The following SCEL variants were observed in gnomAD, a reference collection of about 807,000 sequenced individuals.
SCEL encodes sciellin.
A neutral mutation model predicts 117.6 loss-of-function variants in SCEL; 113 were observed. The ratio of observed to expected loss-of-function variants is 0.96; its 90% confidence interval spans 0.83 to 1.12. The LOEUF (loss-of-function observed/expected upper bound fraction) is 1.12. Ranked by LOEUF, SCEL falls within the 50% of genes most tolerant of loss-of-function variation. SCEL has a pLI of 0.00. For missense variants in SCEL, 785 were observed against 810.8 expected (o/e 0.97, Z 0.39); for synonymous variants, 270 against 256.2 (o/e 1.05, Z -0.51).
At chr13:77,622,408 A>G (rs1594151036) in intron 27 of SCEL, among the ~76,000 whole-genome samples, 1 of 152,040 alleles carries the variant, frequency 6.6e-6, no homozygotes, top group East Asian at 1.9e-4. Context: ...CAGAATCTCT[A>G]TTTTTTTCCT....
intron 24 of SCEL, among the ~76,000 whole-genome samples, chr13:77,617,051 G>A (rs1181784663): frequency 6.6e-6 from 1 of 152,074 alleles, no homozygotes; most frequent in Non-Finnish European, 1.5e-5. Context: ...GAAACAGGAA[G>A]AGTTTCAAAT....
chr13:77,623,755 G>A (rs2089555649), intron 27 of SCEL, among the ~76,000 whole-genome samples: 1 of 152,164 alleles, frequency 6.6e-6, no homozygotes, highest in Non-Finnish European at 1.5e-5. Flanking sequence ...TGAGCGACAG[G>A]TGGGCAGTGT....
intron 9 of SCEL, among the ~76,000 whole-genome samples, chr13:77,578,478 A>G (rs2086080978): frequency 3.3e-5 from 5 of 152,134 alleles, no homozygotes; most frequent in Admixed American, 3.3e-4. Context: ...TTGGCCCCAA[A>G]CGTTGGAGAA....
intron 14 of SCEL, 89 bp downstream of exon 14, chr13:77,599,477 C>T: frequency 8.7e-7 from 1 of 1,143,282 alleles, no homozygotes; most frequent in Non-Finnish European, 1.3e-6. Context: ...GGGTTGTATC[C>T]TCTGGCATGG....
chr13:77,591,447 G>T lies in SCEL; in HGVS notation c.679G>T (p.Glu227Ter). 1 of 1,565,834 alleles carries T rather than the reference G, an allele frequency of 6.4e-7. No individual in the cohort carries two copies. The highest frequency in any genetic ancestry group is 1.7e-5 in the Admixed American group (1 of 59,404). ...GVYTETNRSA[E>*]RNIRSQDLDN... ...ATATACAGAAACCAACAGATCTGCTGAAAGAAATATAAGGTACACTGATTT... is the reference window on the plus strand; with the variant it reads ...ATATACAGAAACCAACAGATCTGCTTAAAGAAATATAAGGTACACTGATTT... Residue 227 changes from glutamate (E) to a stop codon, truncating the protein, a stop_gained, in exon 11 of 33, where the codon GAA becomes TAA. Coordinates refer to ENST00000349847, the MANE Select transcript of SCEL (RefSeq NM_144777.3). LOFTEE classifies it high-confidence loss of function.
At chr13:77,616,715 C>T (rs4142587) in intron 24 of SCEL, among the ~76,000 whole-genome samples, 15,437 of 149,454 alleles carry the variant, frequency 0.1, 1,322 homozygotes, top group East Asian at 0.44. Flanking sequence ...CTCTAAATGA[C>T]GCTCTTTTGG....
chr13:77,569,494 G>T, intron 8 of SCEL, 43 bp downstream of exon 8: 1 of 1,449,138 alleles, frequency 6.9e-7, no homozygotes, highest in South Asian at 1.2e-5. Context: ...GATACACTAT[G>T]AAAGACTGCA....
At chr13:77,615,926 A>G (rs2088985638) in intron 24 of SCEL, among the ~76,000 whole-genome samples, 1 of 151,710 alleles carries the variant, frequency 6.6e-6, no homozygotes, top group African/African-American at 2.4e-5. Flanking sequence ...TTTTTTCTTA[A>G]ATTAATAGAA....
In SCEL at chr13:77,549,385, C is replaced by A. The variant is rs74469459; in HGVS notation, c.-19-6472C>A. ...TATATATTTTAAAATAGCAGGTGCT[C>A]AATTGAAATAACAGAGAACACACTA... On this transcript the variant is annotated intron_variant, in intron 1 of 32. Transcript: ENST00000349847. Among the ~76,000 whole-genome samples, 120 of 152,228 alleles carry A rather than the reference C, an allele frequency of 7.9e-4. 1 individual carries two copies. In the East Asian group the frequency reaches 0.022, roughly 28 times the overall value.
At position 77,612,943 on chromosome 13, in the gene SCEL, T is replaced by G; in HGVS notation, c.1388+2T>G. The stretch of plus-strand genomic sequence containing the variant: ...AGTGATCCCTTCAGCAAACAAAAGG[T>G]AAACTTATTAAGATAATTGAAGACT... On this transcript the variant is annotated splice_donor_variant, in intron 23 of 32. Transcript: ENST00000349847. LOFTEE classifies it high-confidence loss of function. 8.4e-6 allele frequency: 13 copies of G among 1,543,714 alleles called. No individual in the cohort carries two copies. Among genetic ancestry groups the G allele is most frequent in the Non-Finnish European group, 1.1e-5 (13 of 1,138,500 alleles).
chr13:77,536,982 A>C (rs1292353730), intron 1 of SCEL, among the ~76,000 whole-genome samples: 2 of 152,268 alleles, frequency 1.3e-5, no homozygotes, highest in African/African-American at 4.8e-5. Context: ...ATGTGATTAC[A>C]TTTAAAACTG....
chr13:77,613,443 G>A (rs2088810385), intron 23 of SCEL, among the ~76,000 whole-genome samples: 2 of 152,172 alleles, frequency 1.3e-5, no homozygotes, highest in South Asian at 4.1e-4. Context: ...GTTAATAAAA[G>A]CATGGCAGAG....
intron 11 of SCEL, among the ~76,000 whole-genome samples, chr13:77,593,298 C>CGCGCGTG (rs1195863187): frequency 1.5e-4 from 11 of 73,730 alleles, no homozygotes; most frequent in African/African-American, 2.3e-4. Flanking sequence ...GTGTGTGTGT[C>CGCGCGTG]TGTGTGTGTG....
At chr13:77,622,907 A>C (rs1460529758) in intron 27 of SCEL, among the ~76,000 whole-genome samples, 1 of 152,160 alleles carries the variant, frequency 6.6e-6, no homozygotes, top group Non-Finnish European at 1.5e-5. Flanking sequence ...AGTCAGTAAC[A>C]ATTTGCTCTT....
At position 77,577,848 on chromosome 13, in the gene SCEL, T is replaced by C. The variant is rs541558416; in HGVS notation, c.545+5659T>C. Reference sequence around the variant, plus strand: ...TGATGTTTCTCTGCAGGCCTTAACCTGCTGCTGTTTTGCTCAATAGCCCCT... The same window carrying C: ...TGATGTTTCTCTGCAGGCCTTAACCCGCTGCTGTTTTGCTCAATAGCCCCT... On this transcript the variant is annotated intron_variant, in intron 9 of 32. Coordinates refer to ENST00000349847, the MANE Select transcript of SCEL (RefSeq NM_144777.3). Among the ~76,000 whole-genome samples the C allele has an allele frequency of 7.2e-5, 11 of 152,312 alleles. No individual in the cohort carries two copies. In the South Asian group the frequency reaches 2.3e-3, roughly 32 times the overall value.
chr13:77,613,317 G>A (rs900560567), intron 23 of SCEL, among the ~76,000 whole-genome samples: 1 of 152,076 alleles, frequency 6.6e-6, no homozygotes, highest in African/African-American at 2.4e-5. Context: ...ATATTTAAAT[G>A]ACTTGTGAAA....
chr13:77,583,351 T>C (rs554254533), intron 9 of SCEL, among the ~76,000 whole-genome samples: 109 of 152,284 alleles, frequency 7.2e-4, no homozygotes, highest in African/African-American at 2.5e-3. Flanking sequence ...CAGTGCAAGC[T>C]CCATTACTAG....
intron 9 of SCEL, among the ~76,000 whole-genome samples, chr13:77,575,441 A>G (rs1388025606): frequency 1.3e-5 from 2 of 152,216 alleles, no homozygotes; most frequent in African/African-American, 2.4e-5. Flanking sequence ...ACTACAGCTG[A>G]AATGAGAAAA....
At chr13:77,585,202 G>A (rs1208684352) in intron 9 of SCEL, among the ~76,000 whole-genome samples, 1 of 152,216 alleles carries the variant, frequency 6.6e-6, no homozygotes, top group Non-Finnish European at 1.5e-5. Flanking sequence ...TTTCAGTTCA[G>A]TGTGGGAACA....
Sources: gnomAD v4.1 joint callset for allele counts (sites outside exome capture counted in the v4.1 genomes callset) on GRCh38, gnomAD v4.1.1 for gene constraint, MANE v1.5 for transcripts, NCBI Gene and HGNC (gene_info 2026-07-23, HGNC 2026-07-21) for gene names.